Variants in NANS observed in about 807,000 individuals in gnomAD.
NANS encodes N-acetylneuraminate-9-phosphate synthase.
A neutral mutation model predicts 33.3 loss-of-function variants in NANS; 29 were observed. That is an observed-to-expected ratio of 0.87 (90% CI 0.65 to 1.19). NANS has a LOEUF of 1.19. Ranked by LOEUF, NANS falls within the 50% of genes most tolerant of loss-of-function variation. The pLI is 0.00. For missense variants in NANS, 394 were observed against 461.1 expected (o/e 0.85, Z 1.33); for synonymous variants, 163 against 177.2 (o/e 0.92, Z 0.64).
chr9:98,079,627 G>A (rs1829758899), intron 4 of NANS, among the ~76,000 whole-genome samples: 1 of 152,130 alleles, frequency 6.6e-6, no homozygotes, highest in Non-Finnish European at 1.5e-5. Context: ...AATGTCGAAA[G>A]TAAACATCCC....
At chr9:98,062,275 T>C (rs192214640) in intron 2 of NANS, among the ~76,000 whole-genome samples, 68 of 151,958 alleles carry the variant, frequency 4.5e-4, no homozygotes, top group Non-Finnish European at 8.8e-4. Context: ...TGACTAGCCT[T>C]GACTGACTTG....
rs768328207 is a variant in NANS at position 98,078,180 on chromosome 9, C to CTGA, written c.449-11_449-10insATG. On this transcript the variant is annotated splice_polypyrimidine_tract_variant and intron_variant, in intron 3 of 5. Transcript: ENST00000210444. The stretch of plus-strand genomic sequence containing the variant: ...AGAGAAAGTGCTGATGGTGTTGGTG[C>CTGA]TGGATTACTCAGGTCGCCCAATGGT... 17 of 1,614,140 alleles carry CTGA rather than the reference C, an allele frequency of 1.1e-5. No individual in the cohort carries two copies. Among genetic ancestry groups the CTGA allele is most frequent in the Admixed American group, 1.7e-5 (1 of 60,024 alleles).
chr9:98,059,355 G>A (rs1179031643), intron 1 of NANS, among the ~76,000 whole-genome samples: 1 of 152,152 alleles, frequency 6.6e-6, no homozygotes, highest in Non-Finnish European at 1.5e-5. Context: ...GAATACCTCT[G>A]TGTCTACAGA....
chr9:98,080,170 C>G (rs573423163), intron 4 of NANS, among the ~76,000 whole-genome samples: 1 of 152,284 alleles, frequency 6.6e-6, no homozygotes, highest in Admixed American at 6.5e-5. Flanking sequence ...GCTGAGATCA[C>G]GCCATTGCAC....
At chr9:98,069,680 A>G (rs1396139636) in intron 2 of NANS, 1 of 152,240 alleles carries the variant, frequency 6.6e-6, no homozygotes, top group Non-Finnish European at 1.5e-5. Flanking sequence ...TTCTGCTTCC[A>G]TGACATTCTG....
chr9:98,071,937 T>C (rs1270481591), intron 2 of NANS, among the ~76,000 whole-genome samples: 1 of 152,228 alleles, frequency 6.6e-6, no homozygotes, highest in Non-Finnish European at 1.5e-5. Flanking sequence ...GGCCGTGCCC[T>C]GCAGGTGGCA....
intron 2 of NANS, 140 bp downstream of exon 2, chr9:98,061,137 C>A: frequency 1.3e-6 from 1 of 751,376 alleles, no homozygotes; most frequent in Non-Finnish European, 2.2e-6. Flanking sequence ...TAGCAGGCGC[C>A]AAAGCCCAGT....
rs1829837299 is a variant in NANS, at chr9:98,081,097, A to C, written c.870+15A>C. 6.2e-7 allele frequency: 1 copy of C among 1,613,454 alleles called. No individual in the cohort carries two copies. Among genetic ancestry groups the C allele is most frequent in the African/African-American group, 1.3e-5 (1 of 74,896 alleles). Reference sequence around the variant, plus strand: ...GCAATGAGAAGGTGTGTCCTGCCGGACTCTACTCGGTTCTGCTGCCGTGTG... The same window carrying C: ...GCAATGAGAAGGTGTGTCCTGCCGGCCTCTACTCGGTTCTGCTGCCGTGTG... On this transcript the variant is annotated intron_variant, in intron 5 of 5. Coordinates refer to ENST00000210444, the MANE Select transcript of NANS (RefSeq NM_018946.4).
intron 2 of NANS, among the ~76,000 whole-genome samples, chr9:98,069,122 T>G (rs538731795): frequency 1.3e-5 from 2 of 152,218 alleles, no homozygotes; most frequent in African/African-American, 4.8e-5. Context: ...TTAACATTCA[T>G]ACAAAAACCT....
Position 98,062,722 on chromosome 9 carries a change from A to G in NANS, c.348+1725A>G, listed in dbSNP as rs372762593. ...AGCAACGTAATATTTCTTTTGGTGC[A>G]TGTACTATACTGTACCTAACCATTC... On this transcript the variant is annotated intron_variant, in intron 2 of 5. Transcript: ENST00000210444. Among the ~76,000 whole-genome samples the G allele has an allele frequency of 2.7e-5, 4 of 150,444 alleles. No homozygotes were observed. In the East Asian group the frequency reaches 7.8e-4, roughly 30 times the overall value.
At chr9:98,058,108 G>T (rs1039740539) in intron 1 of NANS, among the ~76,000 whole-genome samples, 1 of 151,588 alleles carries the variant, frequency 6.6e-6, no homozygotes, top group Non-Finnish European at 1.5e-5. Context: ...GTAGAGATGG[G>T]GTTTGGCCAT....
At chr9:98,076,704 A>G (rs1333814820) in intron 2 of NANS, 3 of 529,444 alleles carry the variant, frequency 5.7e-6, no homozygotes, top group African/African-American at 2.0e-5. Flanking sequence ...ACCAGCACCA[A>G]ACGTTTGTTG....
At chr9:98,057,942 T>G (rs1828876873) in intron 1 of NANS, among the ~76,000 whole-genome samples, 1 of 145,658 alleles carries the variant, frequency 6.9e-6, no homozygotes, top group Non-Finnish European at 1.5e-5. Flanking sequence ...TTTTTTTTTT[T>G]GAGACAGGGT....
At chr9:98,072,891 CT>C in intron 2 of NANS, among the ~76,000 whole-genome samples, 1 of 152,268 alleles carries the variant, frequency 6.6e-6, no homozygotes, top group South Asian at 2.1e-4. Context: ...ACACTGTATG[CT>C]GTTCTAGGGC....
At chr9:98,064,011 T>C (rs533345396) in intron 2 of NANS, among the ~76,000 whole-genome samples, 17 of 152,322 alleles carry the variant, frequency 1.1e-4, no homozygotes, top group African/African-American at 4.1e-4. Context: ...GAAGCAGACT[T>C]CTGACTCTGT....
chr9:98,064,170 T>C (rs568059902), intron 2 of NANS, among the ~76,000 whole-genome samples: 7 of 152,330 alleles, frequency 4.6e-5, no homozygotes, highest in Non-Finnish European at 1.0e-4. Flanking sequence ...GCTACACTTC[T>C]GTAGACCAAA....
intron 2 of NANS, among the ~76,000 whole-genome samples, chr9:98,064,415 G>T (rs1038838119): frequency 6.6e-6 from 1 of 151,862 alleles, no homozygotes; most frequent in South Asian, 2.1e-4. Context: ...CACCACACAC[G>T]GCTAGTTTTT....
intron 1 of NANS, among the ~76,000 whole-genome samples, chr9:98,058,047 C>T (rs946243156): frequency 2.0e-5 from 3 of 151,156 alleles, no homozygotes; most frequent in South Asian, 2.1e-4. Context: ...CTCAGCCTCC[C>T]GAGTAGCTGG....
chr9:98,061,531 C>T (rs1410998740), intron 2 of NANS, among the ~76,000 whole-genome samples: 2 of 149,632 alleles, frequency 1.3e-5, no homozygotes, highest in Non-Finnish European at 3.0e-5. Context: ...CCTGTAATCC[C>T]AGCACTTTGG....
Sources: allele counts gnomAD v4.1 joint callset (sites outside exome capture counted in the v4.1 genomes callset), GRCh38; gene constraint gnomAD v4.1.1; transcripts MANE v1.5; gene names NCBI Gene and HGNC (gene_info 2026-07-23, HGNC 2026-07-21).